The following CYREN variants were observed in gnomAD, a reference collection of about 807,000 sequenced individuals.
CYREN encodes the protein cell cycle regulator of non-homologous end joining.
Under a neutral mutation model 9.7 loss-of-function variants are expected in CYREN, and 7 were observed. The ratio of observed to expected loss-of-function variants is 0.72; its 90% CI spans 0.41 to 1.36. The LOEUF (loss-of-function observed/expected upper bound fraction) is 1.36. Among genes scored for constraint, CYREN ranks in the 40% most tolerant of loss-of-function variants. The pLI, the probability that CYREN is intolerant of heterozygous loss-of-function variation, is 0.01. For synonymous variants in CYREN, 76 were observed against 77.9 expected (o/e 0.98, Z 0.13); for missense variants, 215 against 198.1 (o/e 1.09, Z -0.51).
intron 2 of CYREN, among the ~76,000 whole-genome samples, chr7:135,099,781 T>G (rs1793274296): frequency 6.6e-6 from 1 of 152,156 alleles, no homozygotes; most frequent in African/African-American, 2.4e-5. Context: ...TTTAGCAGGT[T>G]CTGGGAAGAT....
chr7:135,169,226 G>C (rs1284817313), intron 1 of CYREN, 166 bp from the exon 2 acceptor site: 2 of 231,050 alleles, frequency 8.7e-6, no homozygotes, highest in Non-Finnish European at 8.5e-6. Flanking sequence ...GCTCAGGAGA[G>C]AGCCCTCTGA....
chr7:135,157,917 A>G (rs955447609), intron 2 of CYREN, among the ~76,000 whole-genome samples: 19 of 152,186 alleles, frequency 1.2e-4, no homozygotes, highest in Admixed American at 1.2e-3. Context: ...GCTTGTGAAC[A>G]GAGAAGGTGG....
chr7:135,129,675 G>A (rs548536155), intron 2 of CYREN: 4 of 778,832 alleles, frequency 5.1e-6, no homozygotes, highest in South Asian at 1.3e-5. Flanking sequence ...TATTTGGGAA[G>A]ATGAGATTGA....
At chr7:135,161,595 T>C (rs569693759), downstream of CYREN, among the ~76,000 whole-genome samples, 1 of 152,338 alleles carries the variant, frequency 6.6e-6, no homozygotes, top group South Asian at 2.1e-4. This position sits in a 1 kb window ranked among gnomAD's most constrained non-coding sequence, Gnocchi z 4.1. Context: ...ACAAAATATG[T>C]TCCCGTCGGC....
At chr7:135,127,408 C>T (rs570591672) in intron 2 of CYREN, among the ~76,000 whole-genome samples, 8 of 151,996 alleles carry the variant, frequency 5.3e-5, no homozygotes, top group South Asian at 2.1e-4. Flanking sequence ...AAAAATTAGC[C>T]GGGGTGTGGT....
downstream of CYREN, chr7:135,165,039 C>A: frequency 1.3e-6 from 2 of 1,522,218 alleles, no homozygotes; most frequent in South Asian, 2.6e-5. Flanking sequence ...CAACCATGGT[C>A]AGAGGTGGCA....
intron 2 of CYREN, chr7:135,135,168 T>C: frequency 1.3e-6 from 2 of 1,550,988 alleles, no homozygotes; most frequent in Non-Finnish European, 8.7e-7. Flanking sequence ...GCTCTAAGCA[T>C]ACAGCCCTCC....
At chr7:135,128,534 G>C in intron 2 of CYREN, 1 of 765,602 alleles carries the variant, frequency 1.3e-6, no homozygotes, top group Non-Finnish European at 2.4e-6. Context: ...GTCTGTCCAA[G>C]GTGGAGAAAC....
At chr7:135,165,535 G>C (rs953145892), downstream of CYREN, 2 of 168,964 alleles carry the variant, frequency 1.2e-5, no homozygotes, top group Non-Finnish European at 2.9e-5. Flanking sequence ...AGAGGTCCAG[G>C]AGTGATCTCT....
At chr7:135,129,648 G>A (rs1321501968) in intron 2 of CYREN, 2 of 781,180 alleles carry the variant, frequency 2.6e-6, no homozygotes, top group Non-Finnish European at 4.7e-6. Context: ...GTTTTATGCT[G>A]TGGATGTTGA....
intron 2 of CYREN, among the ~76,000 whole-genome samples, chr7:135,118,775 C>T (rs76864211): frequency 0.051 from 7,739 of 151,910 alleles, 262 homozygotes; most frequent in Non-Finnish European, 0.08. Context: ...TATAAACACA[C>T]TTGGAAGAAA....
intron 1 of CYREN, among the ~76,000 whole-genome samples, chr7:135,169,800 G>A (rs1420766985): frequency 1.3e-5 from 2 of 152,162 alleles, no homozygotes; most frequent in Non-Finnish European, 2.9e-5. Flanking sequence ...CTCCTGAAGC[G>A]GAGGTTTGCC....
chr7:135,110,899 A>G (rs1191229993), intron 2 of CYREN, among the ~76,000 whole-genome samples: 1 of 152,172 alleles, frequency 6.6e-6, no homozygotes, highest in African/African-American at 2.4e-5. Flanking sequence ...CTCTGCCCCT[A>G]TCTTAGATTA....
At chr7:135,165,236 C>G (rs1341101517), downstream of CYREN, 1 of 485,420 alleles carries the variant, frequency 2.1e-6, no homozygotes, top group African/African-American at 1.9e-5. Flanking sequence ...CAAAGACTCC[C>G]TAAACCATGC....
intron 2 of CYREN, chr7:135,129,199 ACG>A: frequency 7.0e-7 from 1 of 1,427,396 alleles, no homozygotes; most frequent in Non-Finnish European, 9.9e-7. Flanking sequence ...TACTGCCCCC[ACG>A]CATGCTGCCA....
intron 2 of CYREN, among the ~76,000 whole-genome samples, chr7:135,126,336 G>A (rs866846494): frequency 2.0e-5 from 3 of 152,066 alleles, no homozygotes; most frequent in African/African-American, 7.2e-5. Context: ...AGCTAACAAG[G>A]GATGTGAAGG....
chr7:135,121,813 AC>A (rs898451686), intron 2 of CYREN, among the ~76,000 whole-genome samples: 9 of 151,802 alleles, frequency 5.9e-5, no homozygotes, highest in African/African-American at 1.9e-4. Flanking sequence ...GCAGGAGAGC[AC>A]CCCCCTATAT....
rs199672225 is a variant in CYREN at position 135,166,794 on chromosome 7, G to A, written c.291C>T (p.Ser97=). The change falls in exon 4 of 4, where the codon TCC becomes TCT. Residue 97 remains serine, a synonymous_variant. Transcript: ENST00000393114. Reference sequence around the variant, plus strand: ...TCCCAGAACTTGTGTGAGGCGACACGGAGCAGGGAGGGGAGTGCTCTGGGT... The same window carrying A: ...TCCCAGAACTTGTGTGAGGCGACACAGAGCAGGGAGGGGAGTGCTCTGGGT... ...ADNPEHSPPC[S]VSPHTSSGSS... is the part of the protein sequence containing the mutation. 79 of 1,614,214 alleles carry A rather than the reference G, an allele frequency of 4.9e-5. 1 individual carries two copies. The highest frequency in any genetic ancestry group is 2.0e-4 in the East Asian group (9 of 44,884).
At chr7:135,163,999 G>C (rs1585360822), downstream of CYREN, among the ~76,000 whole-genome samples, 2 of 152,354 alleles carry the variant, frequency 1.3e-5, no homozygotes, top group Non-Finnish European at 2.9e-5. Flanking sequence ...AAAACCAATA[G>C]CTTCCTCCAC....
Sources: gnomAD v4.1 joint callset for allele counts (sites outside exome capture counted in the v4.1 genomes callset) on GRCh38, gnomAD v4.1.1 for gene constraint, Gnocchi (gnomAD v3.1) non-coding constraint, MANE v1.5 for transcripts, NCBI Gene and HGNC (gene_info 2026-07-23, HGNC 2026-07-21) for gene names.